Variants in PRKCA observed in about 807,000 individuals in gnomAD.
PRKCA encodes the protein protein kinase C alpha.
Under a neutral mutation model 87.0 loss-of-function variants are expected in PRKCA, and 27 were observed. The observed-to-expected ratio is 0.31, with a 90% confidence interval of 0.23 to 0.43. The LOEUF is 0.43. Ranked by LOEUF, PRKCA falls within the 20% of genes least tolerant of loss-of-function variation. The probability of loss-of-function intolerance (pLI) is 1.00; values close to 1 mark genes in which losing one functional copy is unlikely to be tolerated. For synonymous variants in PRKCA, 329 were observed against 311.1 expected (o/e 1.06, Z -0.61); for missense variants, 518 against 852.3 (o/e 0.61, Z 4.88).
chr17:66,379,110 A>G (rs1909642225), intron 2 of PRKCA, among the ~76,000 whole-genome samples: 1 of 152,188 alleles, frequency 6.6e-6, no homozygotes, highest in Admixed American at 6.5e-5. Context: ...TGCTGTGAAC[A>G]TTCAGTTGTG....
At chr17:66,585,122 G>C (rs1467271253) in intron 3 of PRKCA, among the ~76,000 whole-genome samples, 2 of 152,034 alleles carry the variant, frequency 1.3e-5, no homozygotes, top group Non-Finnish European at 2.9e-5. Flanking sequence ...ATTTACATAG[G>C]GCCCAAATGA....
rs1277447210 is a variant in PRKCA, at chr17:66,804,458, G to A, written c.*421G>A. On this transcript the variant is annotated 3_prime_UTR_variant, in exon 17 of 17. Transcript: ENST00000413366. ...AAACATCTCCACCCAAGACGTCTTT[G>A]GAATCCAAGAACAGGAAGCCAAGAG... 1 of 155,768 alleles carries A rather than the reference G, an allele frequency of 6.4e-6. No homozygotes were observed. The highest frequency in any genetic ancestry group is 1.4e-5 in the Non-Finnish European group (1 of 70,362). 9.6% of individuals were successfully genotyped at this position (155,768 alleles called of 1,614,324 possible).
intron 2 of PRKCA, among the ~76,000 whole-genome samples, chr17:66,346,007 T>C (rs949146714): frequency 2.6e-5 from 4 of 152,096 alleles, no homozygotes; most frequent in Non-Finnish European, 4.4e-5. Flanking sequence ...CTGATATTTC[T>C]AGCATCATCT....
In PRKCA at chr17:66,562,121, A is replaced by T. The variant is rs571723194; in HGVS notation, c.288+65838A>T. Among the ~76,000 whole-genome samples, 9 of 38,410 alleles carry T rather than the reference A, an allele frequency of 2.3e-4. No individual in the cohort carries two copies. The East Asian group carries it at 6.4e-3, about 27-fold the overall frequency. 25.2% of individuals were successfully genotyped at this position (38,410 alleles called of 152,430 possible). On this transcript the variant is annotated intron_variant, in intron 3 of 16. Transcript: ENST00000413366. ...TATAATTAAATTATATATATAATTAAATATATATAATTAAATTATATATAT... is the reference window on the plus strand; with the variant it reads ...TATAATTAAATTATATATATAATTATATATATATAATTAAATTATATATAT...
At chr17:66,528,281 A>G (rs1967416728) in intron 3 of PRKCA, among the ~76,000 whole-genome samples, 1 of 151,738 alleles carries the variant, frequency 6.6e-6, no homozygotes, top group Admixed American at 6.6e-5. Context: ...TTGTAACCAT[A>G]GAATAAGTAG....
chr17:66,702,915 G>A (rs979747969), intron 8 of PRKCA, among the ~76,000 whole-genome samples: 2 of 152,082 alleles, frequency 1.3e-5, no homozygotes, highest in Admixed American at 1.3e-4. Context: ...AAGTATTTGT[G>A]TATCTAAACA....
At chr17:66,596,283 C>G (rs189416940) in intron 3 of PRKCA, among the ~76,000 whole-genome samples, 9 of 152,142 alleles carry the variant, frequency 5.9e-5, no homozygotes, top group Non-Finnish European at 1.5e-5. Flanking sequence ...CCAATAAAAG[C>G]AAGATAAGAA....
At chr17:66,693,300 T>C (rs1360260478) in intron 8 of PRKCA, among the ~76,000 whole-genome samples, 1 of 151,386 alleles carries the variant, frequency 6.6e-6, no homozygotes, top group Non-Finnish European at 1.5e-5. Context: ...GGACAGTGTG[T>C]CTGTGGGCCT....
chr17:66,401,040 A>G (rs1169067292), intron 2 of PRKCA, among the ~76,000 whole-genome samples: 2 of 152,186 alleles, frequency 1.3e-5, no homozygotes, highest in Non-Finnish European at 2.9e-5. Context: ...TTTAGTACAA[A>G]TGTTCTCAGT....
intron 3 of PRKCA, among the ~76,000 whole-genome samples, chr17:66,543,321 C>T: frequency 6.6e-6 from 1 of 152,070 alleles, no homozygotes; most frequent in East Asian, 1.9e-4. Flanking sequence ...TACCATGTGG[C>T]TCTTCTCTCT....
chr17:66,389,344 G>A lies in PRKCA; in HGVS notation c.205+83217G>A, dbSNP rs542348166. Reference sequence around the variant, plus strand: ...CAGGCTTGAGGACCTCTCCTGCAGCGTAGTGGATGGGGAGGAACAGCACGC... The same window carrying A: ...CAGGCTTGAGGACCTCTCCTGCAGCATAGTGGATGGGGAGGAACAGCACGC... On this transcript the variant is annotated intron_variant, in intron 2 of 16. Coordinates refer to ENST00000413366, the MANE Select transcript of PRKCA (RefSeq NM_002737.3). 2.1e-3 allele frequency among the ~76,000 whole-genome samples: 315 copies of A among 152,330 alleles called. 3 individuals are homozygous for A. Among genetic ancestry groups the A allele is most frequent in the African/African-American group, 2.6e-3 (110 of 41,590 alleles).
intron 3 of PRKCA, among the ~76,000 whole-genome samples, chr17:66,580,762 G>A (rs920635239): frequency 9.2e-5 from 14 of 152,056 alleles, no homozygotes; most frequent in Admixed American, 3.3e-4. Context: ...AGAACATGAC[G>A]CCACCCTGCG....
At chr17:66,329,597 A>C (rs547412831) in intron 2 of PRKCA, among the ~76,000 whole-genome samples, 2 of 152,304 alleles carry the variant, frequency 1.3e-5, no homozygotes, top group African/African-American at 4.8e-5. Flanking sequence ...TTGCCCAGAG[A>C]GGCAGGAACA....
At chr17:66,713,388 G>GA (rs1432528944) in intron 8 of PRKCA, among the ~76,000 whole-genome samples, 1 of 152,086 alleles carries the variant, frequency 6.6e-6, no homozygotes, top group Non-Finnish European at 1.5e-5. Context: ...CCCCAGTTGG[G>GA]AGACCCCGGT....
chr17:66,680,827 A>G (rs935065247), intron 5 of PRKCA, among the ~76,000 whole-genome samples: 16 of 152,218 alleles, frequency 1.1e-4, no homozygotes, highest in South Asian at 2.1e-4. Context: ...CACGCTGGGT[A>G]GGTTCAGCAG....
chr17:66,452,940 G>A (rs918741686), intron 2 of PRKCA, among the ~76,000 whole-genome samples: 34 of 152,330 alleles, frequency 2.2e-4, no homozygotes, highest in African/African-American at 6.0e-4. Flanking sequence ...TGTCTTAACC[G>A]CAAGTGCCTG....
In PRKCA at chr17:66,804,314, G is replaced by T. The variant is rs371695620; in HGVS notation, c.*277G>T. On this transcript the variant is annotated 3_prime_UTR_variant, in exon 17 of 17. Coordinates refer to ENST00000413366, the MANE Select transcript of PRKCA (RefSeq NM_002737.3). ...GCTCTAGGTTAACCCTTCCTAGAAA[G>T]CAAGCAGACTGTTGCCCCATTTTGG... 5.6e-5 allele frequency: 18 copies of T among 321,786 alleles called. No individual in the cohort carries two copies. The highest frequency in any genetic ancestry group is 5.3e-4 in the East Asian group (10 of 18,756). The allele number at this position is 321,786 out of a possible 1,614,324, so 19.9% of individuals were successfully genotyped here.
At chr17:66,650,980 G>A (rs1380333225) in intron 5 of PRKCA, among the ~76,000 whole-genome samples, 3 of 152,282 alleles carry the variant, frequency 2.0e-5, no homozygotes, top group East Asian at 1.9e-4. Context: ...TGTGGTCTTT[G>A]GGGGAGAATT....
intron 2 of PRKCA, among the ~76,000 whole-genome samples, chr17:66,370,414 T>A (rs2143530464): frequency 6.6e-6 from 1 of 151,666 alleles, no homozygotes; most frequent in Non-Finnish European, 1.5e-5. Context: ...TAAGCTTTAA[T>A]GACAGGGATG....
Sources: allele counts gnomAD v4.1 joint callset (sites outside exome capture counted in the v4.1 genomes callset), GRCh38; gene constraint gnomAD v4.1.1; transcripts MANE v1.5; gene names NCBI Gene and HGNC (gene_info 2026-07-23, HGNC 2026-07-21).